ADARB2: variants seen among roughly 807,000 people sequenced by gnomAD.
The protein encoded by ADARB2 is adenosine deaminase RNA specific B2 (inactive), also known as inactive double-stranded RNA-specific editase B2.
In ADARB2, 25 loss-of-function variants were observed where a neutral mutation model predicts 62.2. That is an observed-to-expected ratio of 0.40 (90% CI 0.29 to 0.56). The LOEUF (loss-of-function observed/expected upper bound fraction) is 0.56, where lower values mean the gene tolerates loss of function less well. Ranked by LOEUF, ADARB2 falls within the 20% of genes least tolerant of loss-of-function variation. The pLI is 0.43. For synonymous variants in ADARB2, 572 were observed against 500.8 expected, an observed-to-expected ratio of 1.14 and a Z score of -1.90; for missense variants, 1,071 against 1,077.4, an observed-to-expected ratio of 0.99 and a Z score of 0.08.
chr10:1,666,493 G>A (rs1183981500), intron 1 of ADARB2, among the ~76,000 whole-genome samples: 1 of 152,232 alleles, frequency 6.6e-6, no homozygotes, highest in Non-Finnish European at 1.5e-5. Flanking sequence ...CAGGAAAGCT[G>A]CCCGAGGATT....
At position 1,571,297 on chromosome 10, in the gene ADARB2, TAA is replaced by T. The variant is rs1554772644; in HGVS notation, c.100+165752_100+165753del. On this transcript the variant is annotated intron_variant, in intron 1 of 9. Transcript: ENST00000381312. ...TGATCTATTTTTACTTTTTTTTTTTTAAAAAAAGCCTGTATGACAGGTTTTGT... is the reference window on the plus strand; with the variant it reads ...TGATCTATTTTTACTTTTTTTTTTTTAAAAAGCCTGTATGACAGGTTTTGT... 6.1e-3 allele frequency among the ~76,000 whole-genome samples: 918 copies of T among 151,202 alleles called. 9 individuals are homozygous for T. The highest frequency in any genetic ancestry group is 0.015 in the African/African-American group (607 of 41,158).
At chr10:1,304,901 C>G (rs1362033531) in intron 3 of ADARB2, among the ~76,000 whole-genome samples, 1 of 140,604 alleles carries the variant, frequency 7.1e-6, no homozygotes. Context: ...ATTTATAGCA[C>G]TAAATGCCCA....
intron 1 of ADARB2, among the ~76,000 whole-genome samples, chr10:1,674,074 A>G (rs1408350175): frequency 6.6e-6 from 1 of 152,242 alleles, no homozygotes; most frequent in Non-Finnish European, 1.5e-5. Context: ...AATCCCCTGA[A>G]GTCGATGTCA....
At chr10:1,207,965 C>T (rs932533038) in intron 7 of ADARB2, among the ~76,000 whole-genome samples, 1 of 152,174 alleles carries the variant, frequency 6.6e-6, no homozygotes, top group Non-Finnish European at 1.5e-5. Flanking sequence ...AAAAACAGGC[C>T]GCGTCCACAG....
rs1397169899 is a variant in ADARB2 at position 1,254,171 on chromosome 10, A to ATGGTGGGCTCTGTGGTTAGGATG, written c.1193-11895_1193-11873dup. ...ATGCAGTGGGCTCTGTGGTTAGGACATGGTGGGCTCTGTGGTTAGGATGTG... is the reference window on the plus strand; with the variant it reads ...ATGCAGTGGGCTCTGTGGTTAGGACATGGTGGGCTCTGTGGTTAGGATGTGGTGGGCTCTGTGGTTAGGATGTG... On this transcript the variant is annotated intron_variant, in intron 4 of 9. Transcript: ENST00000381312. Among the ~76,000 whole-genome samples the ATGGTGGGCTCTGTGGTTAGGATG allele has an allele frequency of 2.3e-3, 330 of 141,354 alleles. 2 individuals are homozygous for ATGGTGGGCTCTGTGGTTAGGATG. Among genetic ancestry groups the ATGGTGGGCTCTGTGGTTAGGATG allele is most frequent in the African/African-American group, 9.1e-3 (310 of 33,892 alleles). The allele number at this position is 141,354 out of a possible 152,430, so 92.7% of individuals were successfully genotyped here. A position where few individuals can be genotyped will look rare whatever the true frequency, so the allele number is the denominator to read the frequency against.
intron 1 of ADARB2, among the ~76,000 whole-genome samples, chr10:1,732,314 C>CAAAAA (rs4002272): frequency 9.5e-6 from 1 of 105,590 alleles, no homozygotes; most frequent in African/African-American, 3.4e-5. Flanking sequence ...TTTCATGCCT[C>CAAAAA]AAAAAAAAAA....
chr10:1,430,671 C>T (rs533645286), intron 1 of ADARB2, among the ~76,000 whole-genome samples: 2 of 151,804 alleles, frequency 1.3e-5, no homozygotes, highest in South Asian at 2.1e-4. Context: ...ATCTGGGAGG[C>T]GGAGGTTGCA....
chr10:1,681,572 T>C (rs796206657), intron 1 of ADARB2, among the ~76,000 whole-genome samples: 9 of 152,122 alleles, frequency 5.9e-5, no homozygotes, highest in African/African-American at 2.2e-4. Context: ...TCTGGCAAAT[T>C]GTTTGGCCTC....
chr10:1,226,931 C>A (rs1830752814), intron 6 of ADARB2, among the ~76,000 whole-genome samples: 1 of 152,232 alleles, frequency 6.6e-6, no homozygotes, highest in South Asian at 2.1e-4. Context: ...TCAAAGCTGT[C>A]AGAGAGGGAC....
At chr10:1,202,917 G>A (rs1046732722) in intron 7 of ADARB2, among the ~76,000 whole-genome samples, 4 of 152,102 alleles carry the variant, frequency 2.6e-5, no homozygotes, top group Non-Finnish European at 5.9e-5. Context: ...CAGGACCGTC[G>A]GAAGACAAAT....
At chr10:1,666,561 C>T (rs1373754227) in intron 1 of ADARB2, among the ~76,000 whole-genome samples, 1 of 152,226 alleles carries the variant, frequency 6.6e-6, no homozygotes, top group Non-Finnish European at 1.5e-5. Context: ...CATGGTCTGC[C>T]GCATCTGGGG....
At chr10:1,242,083 C>T in intron 5 of ADARB2, 48 bp downstream of exon 5, 1 of 1,533,850 alleles carries the variant, frequency 6.5e-7, no homozygotes. Context: ...CCTGGCAGCC[C>T]CCAGCCGCGG....
At chr10:1,490,113 CAGGAGAAGAAGCAACACTAACAACGGCCT>C (rs1476770104) in intron 1 of ADARB2, among the ~76,000 whole-genome samples, 2 of 152,144 alleles carry the variant, frequency 1.3e-5, no homozygotes, top group Non-Finnish European at 2.9e-5. Flanking sequence ...CCAGGAGGCC[CAGGAGAAGAAGCAACACTAACAACGGCCT>C]AGGAGAAGAA....
intron 1 of ADARB2, among the ~76,000 whole-genome samples, chr10:1,548,619 T>A (rs1269472093): frequency 6.6e-6 from 1 of 152,156 alleles, no homozygotes. Context: ...GGCAAATGCG[T>A]GGGTTGCAGT....
chr10:1,693,200 C>A (rs1486090392), intron 1 of ADARB2, among the ~76,000 whole-genome samples: 4 of 152,158 alleles, frequency 2.6e-5, no homozygotes, highest in African/African-American at 9.7e-5. Context: ...AGAGTAAAAG[C>A]CTGGGGTTTC....
intron 1 of ADARB2, among the ~76,000 whole-genome samples, chr10:1,454,245 T>C (rs990183487): frequency 6.6e-6 from 1 of 152,178 alleles, no homozygotes; most frequent in South Asian, 2.1e-4. Context: ...CCCACCCCCA[T>C]GATTCAGTTA....
At chr10:1,553,987 G>A (rs906658371) in intron 1 of ADARB2, among the ~76,000 whole-genome samples, 5 of 152,208 alleles carry the variant, frequency 3.3e-5, no homozygotes, top group African/African-American at 4.8e-5. Context: ...GCTGGTGGAG[G>A]CTGTGCAGGG....
At chr10:1,628,831 G>C (rs550561486) in intron 1 of ADARB2, among the ~76,000 whole-genome samples, 81 of 152,366 alleles carry the variant, frequency 5.3e-4, no homozygotes, top group Non-Finnish European at 1.0e-3. Context: ...GCGGCCTCCG[G>C]CCAGGCCCTG....
chr10:1,598,216 G>C (rs1833357950), intron 1 of ADARB2, among the ~76,000 whole-genome samples: 3 of 151,868 alleles, frequency 2.0e-5, no homozygotes, highest in Non-Finnish European at 1.5e-5. Flanking sequence ...TTCCCTGCTG[G>C]GTGCCCTGCT....
Sources: allele counts gnomAD v4.1 joint callset (sites outside exome capture counted in the v4.1 genomes callset), GRCh38; gene constraint gnomAD v4.1.1; transcripts MANE v1.5; gene names NCBI Gene and HGNC (gene_info 2026-07-23, HGNC 2026-07-21).